Variants in XIST observed in about 807,000 individuals in gnomAD.
The protein encoded by XIST is X inactive specific transcript, also known as X inactive specific transcript (non-protein coding).
chrX:73,849,800 G>C, exon 1 of XIST: 2 of 504,507 alleles, frequency 4.0e-6, no homozygotes, highest in African/African-American at 4.8e-5. Context: ...TGACTTTCGA[G>C]AGAAGCTGGG....
chrX:73,830,560 C>CA (rs1409657390), intron 4 of XIST, among the ~76,000 whole-genome samples: 1 of 111,702 alleles, frequency 9.0e-6, no homozygotes, highest in Non-Finnish European at 1.9e-5. Flanking sequence ...CATTTTTAGT[C>CA]AGGTTTCCAT....
At chrX:73,851,014 C>T in exon 1 of XIST, 1 of 559,378 alleles carries the variant, frequency 1.8e-6, no homozygotes, top group Non-Finnish European at 3.2e-6. Flanking sequence ...AAGACAGCTG[C>T]GAAGTGCCAT....
intron 2 of XIST, chrX:73,833,417 G>T (rs1406918967): frequency 2.0e-6 from 1 of 512,489 alleles, no homozygotes; most frequent in East Asian, 3.4e-5. Context: ...CAAAGCACCG[G>T]TAGGATACCA....
chrX:73,822,929 T>C (rs768296922), exon 6 of XIST: 2 of 558,960 alleles, frequency 3.6e-6, no homozygotes, highest in South Asian at 4.4e-5. Flanking sequence ...GAGAATTTGT[T>C]CCTGTGTTTC....
exon 1 of XIST, chrX:73,847,775 G>T: frequency 1.8e-6 from 1 of 558,746 alleles, no homozygotes; most frequent in East Asian, 3.2e-5. Context: ...AAGGACTCTG[G>T]GTTTCCAGCA....
At chrX:73,844,056 CT>C (rs767847818) in exon 1 of XIST, 2 of 558,832 alleles carry the variant, frequency 3.6e-6, no homozygotes, top group Non-Finnish European at 6.5e-6. Flanking sequence ...TTCACATTAA[CT>C]GTTCAAATGT....
At chrX:73,839,514 A>T (rs1922548883) in intron 1 of XIST, among the ~76,000 whole-genome samples, 1 of 111,270 alleles carries the variant, frequency 9.0e-6, no homozygotes, top group South Asian at 3.7e-4. Context: ...ATCTGAACCA[A>T]ACTCAGAGCC....
chrX:73,846,493 A>G (rs1381626359), exon 1 of XIST: 2 of 556,387 alleles, frequency 3.6e-6, no homozygotes, highest in African/African-American at 4.5e-5. Context: ...GTTATCAGCA[A>G]CCCTTCTGTA....
exon 1 of XIST, chrX:73,849,699 T>A (rs1922864313): frequency 3.6e-6 from 2 of 558,033 alleles, no homozygotes; most frequent in Non-Finnish European, 6.5e-6. Context: ...GTACTGAAGA[T>A]CAGCAATGCC....
At chrX:73,822,190 GGTCA>G in exon 6 of XIST, 2 of 558,549 alleles carry the variant, frequency 3.6e-6, no homozygotes, top group South Asian at 2.2e-5. Context: ...GCCCAGCAGT[GGTCA>G]GTCATTTTTC....
chrX:73,842,469 CAAT>C, exon 1 of XIST: 2 of 551,158 alleles, frequency 3.6e-6, no homozygotes, highest in Non-Finnish European at 3.3e-6. Context: ...CAGAATCTGA[CAAT>C]AATTGAAACT....
At chrX:73,845,610 T>C in exon 1 of XIST, 2 of 540,106 alleles carry the variant, frequency 3.7e-6, no homozygotes, top group Non-Finnish European at 6.6e-6. Flanking sequence ...GCCTTGGTGA[T>C]TCAGTACCCC....
rs1192417951 is a variant in XIST, at chrX:73,825,093, C to T, written n.14808G>A. On this transcript the variant is annotated non_coding_transcript_exon_variant, in exon 6 of 6. Transcript: ENST00000429829. ...TTTTTGTTCTATGAGAATACTTTTC[C>T]CCCTTTGGTAGCTCTAGCACCCAGC... 9.7e-6 allele frequency: 5 copies of T among 514,999 alleles called. No homozygotes were observed. In the East Asian group the frequency reaches 1.4e-4, roughly 15 times the overall value. The allele number at this position is 514,999 out of a possible 1,213,427, so 42.4% of individuals were successfully genotyped here.
At chrX:73,852,626 TG>T in exon 1 of XIST, 1 of 489,059 alleles carries the variant, frequency 2.0e-6, no homozygotes. Flanking sequence ...TAAAGGGTGT[TG>T]GGGGACTAGA....
chrX:73,836,111 C>G (rs1287069300), intron 2 of XIST, among the ~76,000 whole-genome samples: 1 of 110,995 alleles, frequency 9.0e-6, no homozygotes, highest in Admixed American at 9.7e-5. Flanking sequence ...CCTTCCTTTC[C>G]CACCTCCAGT....
chrX:73,846,075 A>G (rs1182215397), exon 1 of XIST: 3 of 556,682 alleles, frequency 5.4e-6, no homozygotes, highest in African/African-American at 2.2e-5. Flanking sequence ...TGGAGAGGGC[A>G]CTCCCTGCCG....
intron 1 of XIST, among the ~76,000 whole-genome samples, chrX:73,837,978 T>TA (rs764851573): frequency 9.4e-4 from 105 of 111,872 alleles, no homozygotes; most frequent in Non-Finnish European, 1.7e-3. Flanking sequence ...AGTTATTTTT[T>TA]AAAAAAACAT....
At chrX:73,847,028 G>A (rs770835347) in exon 1 of XIST, 5 of 557,736 alleles carry the variant, frequency 9.0e-6, no homozygotes, top group Non-Finnish European at 1.6e-5. Flanking sequence ...AGGCACAACT[G>A]TATGCAACTG....
exon 1 of XIST, chrX:73,842,570 C>T (rs781566564): frequency 3.6e-6 from 2 of 558,662 alleles, no homozygotes; most frequent in East Asian, 6.5e-5. Context: ...CACCAACACA[C>T]CAAAGTGGTA....
Sources: gnomAD v4.1 joint callset for allele counts (sites outside exome capture counted in the v4.1 genomes callset) on GRCh38, gnomAD v4.1.1 for gene constraint, MANE v1.5 for transcripts, NCBI Gene and HGNC (gene_info 2026-07-23, HGNC 2026-07-21) for gene names.